The following STIL variants were observed in gnomAD, a reference collection of about 807,000 sequenced individuals.
STIL encodes the protein SCL-interrupting locus protein.
In STIL, 55 loss-of-function variants were observed where a neutral mutation model predicts 110.1. The ratio of observed to expected loss-of-function variants is 0.50; its 90% CI spans 0.40 to 0.63. The LOEUF (loss-of-function observed/expected upper bound fraction) is 0.63, where lower values mean the gene tolerates loss of function less well. Ranked by LOEUF, STIL falls within the 20% of genes least tolerant of loss-of-function variation. The pLI, the probability that STIL is intolerant of heterozygous loss-of-function variation, is 0.00. For missense variants in STIL, 1,358 were observed against 1,530.0 expected (o/e 0.89, Z 1.87); for synonymous variants, 481 against 530.0 (o/e 0.91, Z 1.27).
chr1:47,309,560 G>A (rs1470641718), intron 2 of STIL, among the ~76,000 whole-genome samples: 1 of 152,050 alleles, frequency 6.6e-6, no homozygotes, highest in African/African-American at 2.4e-5. Flanking sequence ...CACAAAGAAA[G>A]ACATTACAGA....
intron 14 of STIL, among the ~76,000 whole-genome samples, chr1:47,268,015 T>C (rs982756318): frequency 3.3e-5 from 5 of 152,208 alleles, no homozygotes; most frequent in African/African-American, 1.2e-4. Context: ...CCAATCTTAT[T>C]TCATTTATAC....
chr1:47,310,904 A>G (rs916468975), intron 1 of STIL, among the ~76,000 whole-genome samples: 8 of 152,120 alleles, frequency 5.3e-5, no homozygotes, highest in Non-Finnish European at 1.0e-4. Context: ...GCTGGAGTGC[A>G]GCAGTGCGAT....
chr1:47,291,785 C>CT (rs1645498191), intron 8 of STIL, among the ~76,000 whole-genome samples: 1 of 152,082 alleles, frequency 6.6e-6, no homozygotes, highest in Admixed American at 6.5e-5. Context: ...AAGCTGGTCT[C>CT]TAATTCCTGG....
intron 9 of STIL, among the ~76,000 whole-genome samples, chr1:47,288,306 T>TC (rs1191558115): frequency 6.6e-6 from 1 of 152,060 alleles, no homozygotes; most frequent in African/African-American, 2.4e-5. Flanking sequence ...CTTCCTCTTT[T>TC]TTTTTTTGAG....
chr1:47,258,160 A>T (rs1229015916), intron 16 of STIL, among the ~76,000 whole-genome samples: 2 of 152,214 alleles, frequency 1.3e-5, no homozygotes, highest in Admixed American at 1.3e-4. Flanking sequence ...CTCAGTTCTG[A>T]CAAGAGGGGA....
At position 47,299,737 on chromosome 1, in the gene STIL, T is replaced by C. The variant is rs1433845211; in HGVS notation, c.701+168A>G. On this transcript the variant is annotated intron_variant, in intron 6 of 16. Coordinates refer to ENST00000371877, the MANE Select transcript of STIL (RefSeq NM_001048166.1). The stretch of plus-strand genomic sequence containing the variant: ...GGTGGTGGCACAACTTAAAGAAAAT[T>C]TCATATTCAACGAAAATAAACCATT... 4 of 795,146 alleles carry C rather than the reference T, an allele frequency of 5.0e-6. No individual in the cohort carries two copies. The East Asian group carries it at 1.2e-4, about 23-fold the overall frequency. 49.3% of individuals were successfully genotyped at this position (795,146 alleles called of 1,614,324 possible).
chr1:47,309,883 A>C (rs1646071349), intron 2 of STIL, among the ~76,000 whole-genome samples: 1 of 152,204 alleles, frequency 6.6e-6, no homozygotes, highest in South Asian at 2.1e-4. Flanking sequence ...CTTGTCTAGA[A>C]AGTAAACAAA....
intron 3 of STIL, among the ~76,000 whole-genome samples, chr1:47,303,449 G>A (rs937412551): frequency 3.3e-5 from 5 of 151,978 alleles, no homozygotes; most frequent in African/African-American, 1.2e-4. Flanking sequence ...TCTGTAATTC[G>A]AGCTACTTGG....
At chr1:47,278,714 C>T (rs751350566) in intron 12 of STIL, among the ~76,000 whole-genome samples, 1 of 151,438 alleles carries the variant, frequency 6.6e-6, no homozygotes, top group African/African-American at 2.4e-5. Context: ...ACCTATAATC[C>T]CAGCACTCTG....
chr1:47,271,116 C>G (rs1472371488), intron 13 of STIL, among the ~76,000 whole-genome samples: 1 of 151,938 alleles, frequency 6.6e-6, no homozygotes, highest in Non-Finnish European at 1.5e-5. Context: ...ATTTGATATG[C>G]TTATTGTATT....
At chr1:47,253,008 G>A (rs1006729030) in intron 16 of STIL, among the ~76,000 whole-genome samples, 14 of 151,570 alleles carry the variant, frequency 9.2e-5, no homozygotes, top group African/African-American at 3.2e-4. Flanking sequence ...TGCTAATGTT[G>A]GCACAATTAC....
At chr1:47,252,038 T>A (rs1191764080) in intron 16 of STIL, 116 bp from the exon 17 acceptor site, 1 of 1,062,422 alleles carries the variant, frequency 9.4e-7, no homozygotes, top group East Asian at 2.5e-5. Flanking sequence ...TTCATGGTCC[T>A]TTTATCTAAC....
At chr1:47,275,607 CAATA>C (rs1287236433) in intron 12 of STIL, among the ~76,000 whole-genome samples, 1 of 151,368 alleles carries the variant, frequency 6.6e-6, no homozygotes, top group Admixed American at 6.6e-5. Flanking sequence ...GACTCCATCT[CAATA>C]AATAAATAAA....
At chr1:47,267,669 A>T (rs1341020941) in intron 14 of STIL, among the ~76,000 whole-genome samples, 1 of 7,916 alleles carries the variant, frequency 1.3e-4, no homozygotes, top group Non-Finnish European at 4.6e-4. Flanking sequence ...CGAGTATCTA[A>T]AAAAAAAAAA....
intron 10 of STIL, among the ~76,000 whole-genome samples, chr1:47,285,283 C>T (rs1645265793): frequency 6.6e-6 from 1 of 152,022 alleles, no homozygotes; most frequent in Admixed American, 6.6e-5. Flanking sequence ...CCTCCCGCCT[C>T]AGCCTTCCAA....
rs371752741 is a variant in STIL, at chr1:47,282,340, G to A, written c.1248+5C>T. 6.3e-7 allele frequency: 1 copy of A among 1,588,186 alleles called. No homozygotes were observed. The highest frequency in any genetic ancestry group is 8.6e-7 in the Non-Finnish European group (1 of 1,158,478). On this transcript the variant is annotated splice_donor_5th_base_variant and intron_variant, in intron 11 of 16. Coordinates refer to ENST00000371877, the MANE Select transcript of STIL (RefSeq NM_001048166.1). ...AAAGTGAATGCATTTTAAAATCAGT[G>A]ATACCTTCTGACTCACTGGATGAGG...
intron 2 of STIL, among the ~76,000 whole-genome samples, chr1:47,309,051 C>T (rs1295453691): frequency 6.9e-6 from 1 of 145,592 alleles, no homozygotes; most frequent in Non-Finnish European, 1.5e-5. Flanking sequence ...GACTCTGTCT[C>T]CAAAAAAAAA....
rs866371346 is a variant in STIL, at chr1:47,302,214, C to T, written c.265+20G>A. On this transcript the variant is annotated intron_variant, in intron 4 of 16. Coordinates refer to ENST00000371877, the MANE Select transcript of STIL (RefSeq NM_001048166.1). ...GGGATTACAGGCGTGAGCACTGGTC[C>T]ATTTTTAAAAGTGTATTACCTTCGT... 3 of 1,570,672 alleles carry T rather than the reference C, an allele frequency of 1.9e-6. No individual in the cohort carries two copies. Among genetic ancestry groups the T allele is most frequent in the African/African-American group, 1.4e-5 (1 of 73,714 alleles).
chr1:47,272,080 G>A lies in STIL; in HGVS notation c.2379C>T (p.Ser793=), dbSNP rs767106072. ...TTAAAAAAAAACTGAAATTACCTGT[G>A]CTCACAGCAATGCTTACACCTTTTC... ...HMRKGVSIAV[S]TGASLFWNAA... is the part of the protein sequence containing the mutation. The change falls in exon 13 of 17, where the codon AGC becomes AGT. Residue 793 remains serine, a synonymous_variant. Transcript: ENST00000371877. 1.2e-6 allele frequency: 2 copies of A among 1,613,868 alleles called. No individual in the cohort carries two copies. The highest frequency in any genetic ancestry group is 2.2e-5 in the South Asian group (2 of 91,044).
Sources: allele counts gnomAD v4.1 joint callset (sites outside exome capture counted in the v4.1 genomes callset), GRCh38; gene constraint gnomAD v4.1.1; transcripts MANE v1.5; gene names NCBI Gene and HGNC (gene_info 2026-07-23, HGNC 2026-07-21).